IL1RAPL1: variants seen among roughly 807,000 people sequenced by gnomAD.
IL1RAPL1 encodes the protein interleukin 1 receptor accessory protein like 1.
In IL1RAPL1, 3 loss-of-function variants were observed where a neutral mutation model predicts 48.4. The ratio of observed to expected loss-of-function variants is 0.06; its 90% CI spans 0.03 to 0.16. IL1RAPL1 has a LOEUF of 0.16. IL1RAPL1 is among the 10% of genes least tolerant of loss of function. IL1RAPL1 has a pLI of 1.00. For synonymous variants in IL1RAPL1, 185 were observed against 187.7 expected (o/e 0.99, Z 0.12); for missense variants, 349 against 530.6 (o/e 0.66, Z 3.36).
chrX:29,926,724 A>G (rs1011962429), intron 8 of IL1RAPL1, among the ~76,000 whole-genome samples: 1 of 111,044 alleles, frequency 9.0e-6, no homozygotes, highest in Non-Finnish European at 1.9e-5. Context: ...GTTTAGCAGT[A>G]CTCCTAGCCT....
At chrX:29,534,696 C>T (rs773594519) in intron 5 of IL1RAPL1, among the ~76,000 whole-genome samples, 36 of 109,954 alleles carry the variant, frequency 3.3e-4, no homozygotes, top group East Asian at 2.3e-3. Context: ...AGGCCGGGCG[C>T]GGTGGCTCAT....
At chrX:28,881,193 T>A (rs755645217) in intron 2 of IL1RAPL1, among the ~76,000 whole-genome samples, 9 of 111,717 alleles carry the variant, frequency 8.1e-5, no homozygotes, top group Non-Finnish European at 1.3e-4. Flanking sequence ...CTTTCTTATT[T>A]TTATTTTCCA....
At chrX:29,404,505 A>T (rs1349855191) in intron 5 of IL1RAPL1, among the ~76,000 whole-genome samples, 2 of 111,245 alleles carry the variant, frequency 1.8e-5, no homozygotes, top group African/African-American at 6.5e-5. Flanking sequence ...GTCCACCTTC[A>T]AAAAACGCTG....
intron 2 of IL1RAPL1, among the ~76,000 whole-genome samples, chrX:29,185,489 C>T (rs1268398986): frequency 8.9e-6 from 1 of 111,762 alleles, no homozygotes; most frequent in Admixed American, 9.6e-5. Context: ...ATGAAAATGC[C>T]AGTAAAGCAC....
chrX:29,207,237 T>A (rs1203226905), intron 2 of IL1RAPL1, among the ~76,000 whole-genome samples: 1 of 112,141 alleles, frequency 8.9e-6, no homozygotes, highest in Non-Finnish European at 1.9e-5. Flanking sequence ...ACAGAGACAG[T>A]TTTGAAGTCA....
intron 5 of IL1RAPL1, among the ~76,000 whole-genome samples, chrX:29,548,957 A>G (rs1921717726): frequency 8.9e-6 from 1 of 112,032 alleles, no homozygotes; most frequent in Admixed American, 9.4e-5. Context: ...CTTATTTTCA[A>G]TAAATCACAT....
intron 5 of IL1RAPL1, among the ~76,000 whole-genome samples, chrX:29,454,201 G>A (rs1309851440): frequency 8.9e-6 from 1 of 112,493 alleles, no homozygotes. Context: ...TAAGAAAAGT[G>A]TGGTTAGATA....
chrX:29,905,045 A>G lies in IL1RAPL1; in HGVS notation c.779-12419A>G, dbSNP rs748666376. The stretch of plus-strand genomic sequence containing the variant: ...CCTAGCCAGCATCTATTGTTTCCTG[A>G]CTACTTAATAATCGCCATTCTGAAT... On this transcript the variant is annotated intron_variant, in intron 6 of 10. Coordinates refer to ENST00000378993, the MANE Select transcript of IL1RAPL1 (RefSeq NM_014271.4). Among the ~76,000 whole-genome samples the G allele has an allele frequency of 8.9e-5, 10 of 111,833 alleles. No homozygotes were observed. The South Asian group carries it at 3.8e-3, about 42-fold the overall frequency.
intron 1 of IL1RAPL1, among the ~76,000 whole-genome samples, chrX:28,712,605 A>G (rs1260440356): frequency 3.6e-5 from 4 of 111,505 alleles, no homozygotes; most frequent in Non-Finnish European, 7.5e-5. Context: ...GAAGAGTAGT[A>G]TTTGATTTAC....
At chrX:29,829,091 G>C (rs1010150383) in intron 6 of IL1RAPL1, among the ~76,000 whole-genome samples, 3 of 105,465 alleles carry the variant, frequency 2.8e-5, no homozygotes, top group Non-Finnish European at 5.8e-5. Flanking sequence ...CAAAAGGTAT[G>C]CTTATTGTTT....
chrX:29,119,478 A>G (rs959713610), intron 2 of IL1RAPL1, among the ~76,000 whole-genome samples: 2 of 111,871 alleles, frequency 1.8e-5, no homozygotes, highest in East Asian at 5.6e-4. Flanking sequence ...AAGCTGAACA[A>G]ATTGAAAATC....
At chrX:29,716,143 G>C (rs1228009436) in intron 6 of IL1RAPL1, among the ~76,000 whole-genome samples, 1 of 111,176 alleles carries the variant, frequency 9.0e-6, no homozygotes. Flanking sequence ...AAATGGAGAG[G>C]CTGGGTGAGA....
intron 3 of IL1RAPL1, among the ~76,000 whole-genome samples, chrX:29,330,927 G>A (rs1182194526): frequency 9.0e-6 from 1 of 111,726 alleles, no homozygotes; most frequent in African/African-American, 3.3e-5. Flanking sequence ...AGCACTTTGG[G>A]AGGCCAAGGC....
chrX:28,627,852 C>A (rs1489946604), intron 1 of IL1RAPL1, among the ~76,000 whole-genome samples: 1 of 110,814 alleles, frequency 9.0e-6, no homozygotes, highest in African/African-American at 3.3e-5. Context: ...TGGGTCACAT[C>A]ATTTTCTTTC....
intron 2 of IL1RAPL1, among the ~76,000 whole-genome samples, chrX:28,827,300 G>A (rs1029464581): frequency 9.0e-6 from 1 of 110,943 alleles, no homozygotes; most frequent in African/African-American, 3.3e-5. Flanking sequence ...TTTGTAGGCT[G>A]GGAGTGTCAG....
chrX:29,289,155 CTTTAG>C (rs1684535806), intron 3 of IL1RAPL1, among the ~76,000 whole-genome samples: 1 of 112,033 alleles, frequency 8.9e-6, no homozygotes, highest in African/African-American at 3.2e-5. Flanking sequence ...GTGCAAAACT[CTTTAG>C]TTTAATTAGA....
chrX:29,194,417 C>T (rs1930406020), intron 2 of IL1RAPL1, among the ~76,000 whole-genome samples: 1 of 112,426 alleles, frequency 8.9e-6, no homozygotes, highest in South Asian at 3.6e-4. Flanking sequence ...CTATCTAAAG[C>T]AAATAGGACC....
chrX:29,459,512 C>A (rs891404864), intron 5 of IL1RAPL1, among the ~76,000 whole-genome samples: 5 of 111,159 alleles, frequency 4.5e-5, no homozygotes, highest in Non-Finnish European at 9.4e-5. Context: ...GGACTGTAAA[C>A]AAGCGAGCGG....
chrX:29,495,391 G>C (rs1935202426), intron 5 of IL1RAPL1, among the ~76,000 whole-genome samples: 1 of 111,856 alleles, frequency 8.9e-6, no homozygotes, highest in Non-Finnish European at 1.9e-5. Context: ...TCATAGCATA[G>C]TTTAGGGCAA....
Sources: gnomAD v4.1 joint callset for allele counts (sites outside exome capture counted in the v4.1 genomes callset) on GRCh38, gnomAD v4.1.1 for gene constraint, MANE v1.5 for transcripts, NCBI Gene and HGNC (gene_info 2026-07-23, HGNC 2026-07-21) for gene names.